Variants in FBXO5 observed in about 807,000 individuals in gnomAD.
FBXO5 encodes the protein F-box only protein 5.
In FBXO5, 8 loss-of-function variants were observed where a neutral mutation model predicts 43.3. That is an observed-to-expected ratio of 0.18 (90% confidence interval 0.11 to 0.33). FBXO5 has a LOEUF of 0.33. Among genes scored for constraint, FBXO5 ranks in the 10% least tolerant of loss-of-function variants. The probability of loss-of-function intolerance (pLI) is 1.00; values close to 1 mark genes in which losing one functional copy is unlikely to be tolerated. For missense variants in FBXO5, 491 were observed against 535.7 expected (o/e 0.92, Z 0.82); for synonymous variants, 204 against 193.7 (o/e 1.05, Z -0.44).
chr6:152,980,612 G>T (rs1181701484), intron 1 of FBXO5, among the ~76,000 whole-genome samples: 1 of 152,180 alleles, frequency 6.6e-6, no homozygotes, highest in African/African-American at 2.4e-5. Context: ...AGAATAGTTA[G>T]AAGTGTTTAT....
Position 152,981,999 on chromosome 6 carries a change from A to G in FBXO5, c.103+858T>C, listed in dbSNP as rs895062007. On this transcript the variant is annotated intron_variant, in intron 1 of 4. Transcript: ENST00000229758. ...CTTCATGAGTTATCGGGAAAAAGTC[A>G]CCAATTCTTCGATTCTTACAAAATC... is the stretch of plus-strand genomic sequence containing the variant. 2.5e-4 allele frequency among the ~76,000 whole-genome samples: 38 copies of G among 152,356 alleles called. No homozygotes were observed. The East Asian group carries it at 5.8e-3, about 23-fold the overall frequency.
At chr6:152,977,349 G>C (rs998162327) in intron 1 of FBXO5, among the ~76,000 whole-genome samples, 1 of 152,170 alleles carries the variant, frequency 6.6e-6, no homozygotes, top group African/African-American at 2.4e-5. Flanking sequence ...TATTGGTAAT[G>C]CGTTCATATA....
intron 1 of FBXO5, among the ~76,000 whole-genome samples, chr6:152,979,644 T>G (rs1778231561): frequency 6.6e-6 from 1 of 152,236 alleles, no homozygotes; most frequent in Non-Finnish European, 1.5e-5. Flanking sequence ...AATCTCCTAT[T>G]TATTCATACT....
intron 2 of FBXO5, chr6:152,973,380 T>G (rs963094774): frequency 2.8e-5 from 12 of 428,620 alleles, no homozygotes; most frequent in African/African-American, 2.3e-4. Context: ...GAACCACTGC[T>G]TTGTACAGTA....
Position 152,972,409 on chromosome 6 carries a change from C to A in FBXO5, c.955G>T (p.Val319Phe). Residue 319 changes from valine (V) to phenylalanine (F), a missense_variant, in exon 4 of 5, where the codon GTT (valine) becomes TTT (phenylalanine). Coordinates refer to ENST00000229758, the MANE Select transcript of FBXO5 (RefSeq NM_012177.5). The part of the protein sequence containing the change: ...FSPHASTREY[V>F]MFRTPLASVQ... ...GAAGCCAGTGGGGTTCTGAACATAA[C>A]ATATTCTCTGGTTGAAGCATGAGGT... The A allele has an allele frequency of 6.2e-7, 1 of 1,609,946 alleles. No homozygotes were observed.
Position 152,973,155 on chromosome 6 carries a change from A to G in FBXO5, c.819-19T>C. ...AGACACACTGGAAAAGTAAATCACC[A>G]TAAATGAAATAATTAAAGCATCACA... On this transcript the variant is annotated intron_variant, in intron 2 of 4. Transcript: ENST00000229758. 1 of 1,577,972 alleles carries G rather than the reference A, an allele frequency of 6.3e-7. No homozygotes were observed. The highest frequency in any genetic ancestry group is 8.7e-7 in the Non-Finnish European group (1 of 1,147,660).
intron 1 of FBXO5, 103 bp downstream of exon 1, chr6:152,982,754 G>T: frequency 1.3e-6 from 1 of 791,216 alleles, no homozygotes; most frequent in Non-Finnish European, 1.8e-6. Context: ...ATGGCCGCGC[G>T]TCCAGGCTCC....
chr6:152,972,558 T>A, intron 3 of FBXO5, 104 bp from the exon 4 acceptor site: 1 of 827,630 alleles, frequency 1.2e-6, no homozygotes, highest in Non-Finnish European at 1.8e-6. Flanking sequence ...CAAGATTAGG[T>A]AAGAGACTTA....
intron 2 of FBXO5, chr6:152,973,433 G>A (rs1778116907): frequency 3.8e-6 from 1 of 262,974 alleles, no homozygotes. Flanking sequence ...AGCCCCCACT[G>A]TATATATGAT....
chr6:152,972,489 AT>A (rs1562289966), intron 3 of FBXO5, 35 bp from the exon 4 acceptor site: 1 of 1,435,164 alleles, frequency 7.0e-7, no homozygotes, highest in Non-Finnish European at 9.5e-7. Context: ...GAATTTAGAA[AT>A]TATTTCCTGT....
At chr6:152,979,404 T>C (rs1014619968) in intron 1 of FBXO5, among the ~76,000 whole-genome samples, 1 of 152,242 alleles carries the variant, frequency 6.6e-6, no homozygotes, top group African/African-American at 2.4e-5. Context: ...TCTGGGGCTG[T>C]GGGTTTTTAG....
chr6:152,974,170 C>T (rs1016815032), intron 2 of FBXO5, among the ~76,000 whole-genome samples: 3 of 151,580 alleles, frequency 2.0e-5, no homozygotes, highest in East Asian at 1.9e-4. Flanking sequence ...TGCACCATTG[C>T]GCTCCAGCCT....
intron 1 of FBXO5, among the ~76,000 whole-genome samples, chr6:152,979,883 CA>C (rs965380543): frequency 3.3e-5 from 5 of 152,166 alleles, no homozygotes; most frequent in Non-Finnish European, 5.9e-5. Flanking sequence ...TAGAATCAGT[CA>C]TTTCTCCAAG....
chr6:152,976,385 C>G (rs1037970285), intron 1 of FBXO5, among the ~76,000 whole-genome samples: 2 of 152,164 alleles, frequency 1.3e-5, no homozygotes, highest in Non-Finnish European at 2.9e-5. Context: ...TGGTGACCTT[C>G]TAATATATTC....
Position 152,975,251 on chromosome 6 carries a change from T to A in FBXO5, c.474A>T (p.Glu158Asp). The A allele has an allele frequency of 6.2e-7, 1 of 1,614,166 alleles. No homozygotes were observed. Among genetic ancestry groups the A allele is most frequent in the Non-Finnish European group, 8.5e-7 (1 of 1,180,024 alleles). ...SSFSLQSGLS[E>D]HEEGSLLEEN... ...CCTCCAGGAGGCTACCTTCTTCATG[T>A]TCACTGAGGCCACTTTGTAGAGAAA... Residue 158 changes from glutamate (E) to aspartate (D), a missense_variant, in exon 2 of 5, where the codon GAA becomes GAT. By Grantham distance (45) the Glu-to-Asp change is conservative. Coordinates refer to ENST00000229758, the MANE Select transcript of FBXO5 (RefSeq NM_012177.5).
At chr6:152,983,189 C>T (rs541518145), upstream of FBXO5, 614 of 395,360 alleles carry the variant, frequency 1.6e-3, 5 homozygotes, top group Non-Finnish European at 1.0e-3. Flanking sequence ...TTGGAGGCTG[C>T]CGAGGCGGGG....
At chr6:152,981,935 C>A (rs1445349912) in intron 1 of FBXO5, among the ~76,000 whole-genome samples, 1 of 152,096 alleles carries the variant, frequency 6.6e-6, no homozygotes, top group Non-Finnish European at 1.5e-5. Context: ...TGAGTGCATT[C>A]CATTCTCTGC....
chr6:152,983,070 A>T, upstream of FBXO5: 5 of 585,366 alleles, frequency 8.5e-6, no homozygotes, highest in Non-Finnish European at 1.3e-5. Flanking sequence ...TGGTACTTTT[A>T]AAATCTTTGA....
In FBXO5 at chr6:152,971,378, C is replaced by T; in HGVS notation, c.1129G>A (p.Ala377Thr). The change falls in exon 5 of 5, where the codon GCC becomes ACC. Residue 377 changes from alanine (A) to threonine (T), a missense_variant. Coordinates refer to ENST00000229758, the MANE Select transcript of FBXO5 (RefSeq NM_012177.5). Reference protein sequence around the residue: ...KTLKKNESLKACIRCNSPAKY... With the variant: ...KTLKKNESLKTCIRCNSPAKY... ...GCAGGTGAATTACAGCGAATACAGG[C>T]TTTGAGGCTTTCGTTCTTTTTCAAT... The T allele has an allele frequency of 6.2e-7, 1 of 1,609,700 alleles. No homozygotes were observed. The highest frequency in any genetic ancestry group is 1.7e-4 in the Middle Eastern group (1 of 6,028).
Sources: gnomAD v4.1 joint callset for allele counts (sites outside exome capture counted in the v4.1 genomes callset) on GRCh38, gnomAD v4.1.1 for gene constraint, MANE v1.5 for transcripts, NCBI Gene and HGNC (gene_info 2026-07-23, HGNC 2026-07-21) for gene names.